NALF1: variants seen among roughly 807,000 people sequenced by gnomAD.
NALF1 encodes the protein family with sequence similarity 155 member A.
A neutral mutation model predicts 48.4 loss-of-function variants in NALF1; 3 were observed. The observed-to-expected ratio is 0.06, with a 90% CI of 0.03 to 0.16. The LOEUF is 0.16. NALF1 is among the 10% of genes least tolerant of loss of function. The pLI, the probability that NALF1 is intolerant of heterozygous loss-of-function variation, is 1.00. For missense variants in NALF1, 526 were observed against 571.5 expected (o/e 0.92, Z 0.81); for synonymous variants, 262 against 245.7 (o/e 1.07, Z -0.62).
At chr13:107,703,766 A>G (rs570916509) in intron 1 of NALF1, among the ~76,000 whole-genome samples, 1 of 152,264 alleles carries the variant, frequency 6.6e-6, no homozygotes, top group African/African-American at 2.4e-5. Flanking sequence ...GAACTTTAGT[A>G]AACCTGCAGC....
intron 1 of NALF1, among the ~76,000 whole-genome samples, chr13:107,785,965 AG>A (rs1878059282): frequency 6.6e-6 from 1 of 152,158 alleles, no homozygotes; most frequent in Non-Finnish European, 1.5e-5. Flanking sequence ...TTGGTGTAAA[AG>A]CCAGGCAGAG....
intron 2 of NALF1, 24 bp from the exon 3 acceptor site, chr13:107,170,810 G>T: frequency 6.2e-7 from 1 of 1,607,380 alleles, no homozygotes. Context: ...GAAGTAGAGT[G>T]TCAGCAGGAA....
intron 1 of NALF1, among the ~76,000 whole-genome samples, chr13:107,312,902 T>C (rs1263405218): frequency 1.3e-5 from 2 of 152,006 alleles, no homozygotes; most frequent in Non-Finnish European, 2.9e-5. Context: ...TAAATAATAA[T>C]AAGTACCACA....
intron 1 of NALF1, among the ~76,000 whole-genome samples, chr13:107,493,106 T>C (rs11843400): frequency 0.067 from 10,264 of 152,156 alleles, 1,191 homozygotes; most frequent in African/African-American, 0.23. Context: ...ATGATAGCCC[T>C]GATATGCCCA....
chr13:107,578,545 C>T (rs1258363981), intron 1 of NALF1, among the ~76,000 whole-genome samples: 1 of 152,132 alleles, frequency 6.6e-6, no homozygotes, highest in African/African-American at 2.4e-5. Context: ...ACAACCTCAG[C>T]CCAGGCAATC....
chr13:107,423,819 G>C (rs915395133), intron 1 of NALF1, among the ~76,000 whole-genome samples: 12 of 152,124 alleles, frequency 7.9e-5, no homozygotes, highest in African/African-American at 2.2e-4. Flanking sequence ...AATAAATTAT[G>C]AGTTAACATA....
chr13:107,475,594 A>C (rs1301653138), intron 1 of NALF1, among the ~76,000 whole-genome samples: 1 of 152,138 alleles, frequency 6.6e-6, no homozygotes, highest in East Asian at 1.9e-4. Context: ...CAAGTTGGAG[A>C]TTTCTTGGGG....
At chr13:107,241,119 G>A (rs950094471) in intron 1 of NALF1, among the ~76,000 whole-genome samples, 2 of 149,068 alleles carry the variant, frequency 1.3e-5, no homozygotes, top group East Asian at 2.0e-4. Context: ...GCTTGAAACC[G>A]GGAGGCAGAG....
chr13:107,628,544 C>T (rs189992601), intron 1 of NALF1, among the ~76,000 whole-genome samples: 1 of 152,266 alleles, frequency 6.6e-6, no homozygotes, highest in East Asian at 1.9e-4. Context: ...CCCATTACTT[C>T]TCCTTTCGTG....
intron 1 of NALF1, among the ~76,000 whole-genome samples, chr13:107,461,995 A>G (rs9301231): frequency 0.71 from 107,169 of 151,920 alleles, 38,501 homozygotes; most frequent in Middle Eastern, 0.82. Flanking sequence ...TTCTTATGTT[A>G]AGGTAGTCCC....
At chr13:107,825,249 A>G (rs115095858) in intron 1 of NALF1, among the ~76,000 whole-genome samples, 1,809 of 152,300 alleles carry the variant, frequency 0.012, 36 homozygotes, top group African/African-American at 0.041. Context: ...CAAAGTGAGA[A>G]TGTTGGTCTG....
chr13:107,707,336 A>T (rs1423485121), intron 1 of NALF1, among the ~76,000 whole-genome samples: 2 of 152,192 alleles, frequency 1.3e-5, no homozygotes, highest in Non-Finnish European at 2.9e-5. Flanking sequence ...CATCCAATAT[A>T]AGTGGTAAAG....
intron 1 of NALF1, among the ~76,000 whole-genome samples, chr13:107,641,849 C>T (rs1880165690): frequency 6.6e-6 from 1 of 152,138 alleles, no homozygotes; most frequent in African/African-American, 2.4e-5. Flanking sequence ...CATGGTACTT[C>T]TCAAGCGTTT....
chr13:107,760,461 C>A (rs746189139), intron 1 of NALF1, among the ~76,000 whole-genome samples: 28 of 152,214 alleles, frequency 1.8e-4, no homozygotes, highest in Admixed American at 2.0e-4. Context: ...CGAACTTCCC[C>A]CTTCCACTCT....
intron 1 of NALF1, among the ~76,000 whole-genome samples, chr13:107,528,269 A>T (rs555610695): frequency 1.3e-5 from 2 of 152,132 alleles, no homozygotes; most frequent in Non-Finnish European, 1.5e-5. Flanking sequence ...CATGTAAATA[A>T]CAGAAACTTT....
chr13:107,416,463 G>A (rs527959085), intron 1 of NALF1, among the ~76,000 whole-genome samples: 1 of 152,062 alleles, frequency 6.6e-6, no homozygotes, highest in East Asian at 1.9e-4. Context: ...CCTACTCAAA[G>A]TGAACACTAG....
intron 1 of NALF1, among the ~76,000 whole-genome samples, chr13:107,582,247 T>C (rs906233861): frequency 1.3e-5 from 2 of 152,196 alleles, no homozygotes; most frequent in African/African-American, 4.8e-5. Flanking sequence ...AAGAAAGGCA[T>C]AGGGCAGAAG....
intron 1 of NALF1, among the ~76,000 whole-genome samples, chr13:107,447,422 A>T (rs771859522): frequency 1.3e-5 from 2 of 152,150 alleles, no homozygotes; most frequent in Non-Finnish European, 2.9e-5. Context: ...TTCTGAGTCC[A>T]GTCACCATAA....
intron 1 of NALF1, among the ~76,000 whole-genome samples, chr13:107,673,249 T>C (rs1218357867): frequency 6.6e-6 from 1 of 152,180 alleles, no homozygotes; most frequent in Non-Finnish European, 1.5e-5. Context: ...TAATGAGATT[T>C]AGTTCTCAGG....
Sources: allele counts gnomAD v4.1 joint callset (sites outside exome capture counted in the v4.1 genomes callset), GRCh38; gene constraint gnomAD v4.1.1; transcripts MANE v1.5; gene names NCBI Gene and HGNC (gene_info 2026-07-23, HGNC 2026-07-21).